METTL6: variants seen among roughly 807,000 people sequenced by gnomAD.
The protein encoded by METTL6 is methyltransferase 6, tRNA N3-cytidine.
METTL6 carries 22 observed loss-of-function variants against 26.4 expected under a neutral mutation model. The observed-to-expected ratio is 0.83, with a 90% CI of 0.59 to 1.19. The LOEUF (loss-of-function observed/expected upper bound fraction) is 1.19, where lower values mean the gene tolerates loss of function less well. METTL6 is among the 50% of genes most tolerant of loss of function. The pLI is 0.00. For missense variants in METTL6, 304 were observed against 324.8 expected (o/e 0.94, Z 0.49); for synonymous variants, 109 against 116.2 (o/e 0.94, Z 0.40).
At chr3:15,421,992 T>C (rs1246082259) in intron 3 of METTL6, among the ~76,000 whole-genome samples, 1 of 152,082 alleles carries the variant, frequency 6.6e-6, no homozygotes, top group African/African-American at 2.4e-5. Flanking sequence ...AAGGTTACTA[T>C]TTTCAAAAGT....
Position 15,425,047 on chromosome 3 carries a change from C to T in METTL6, c.268G>A (p.Val90Ile). The change falls in exon 3 of 6, where the codon GTT becomes ATT. Residue 90 changes from valine (V) to isoleucine (I), a missense_variant. Coordinates refer to ENST00000383790, the MANE Select transcript of METTL6 (RefSeq NM_152396.4). The stretch of plus-strand genomic sequence containing the variant: ...AAAAGTGGGAATAAACAGTTTCCAA[C>T]CCCACAGCCAGCTTCAAGCATTGTT... Reference protein sequence around the residue: ...KLTMLEAGCGVGNCLFPLLEE... With the variant: ...KLTMLEAGCGIGNCLFPLLEE... 1 of 1,614,180 alleles carries T rather than the reference C, an allele frequency of 6.2e-7. No individual in the cohort carries two copies. Among genetic ancestry groups the T allele is most frequent in the South Asian group, 1.1e-5 (1 of 91,084 alleles).
exon 7 of METTL6, chr3:15,383,239 A>G (rs1053432307): frequency 2.6e-5 from 4 of 152,166 alleles, no homozygotes; most frequent in African/African-American, 7.2e-5. Context: ...AAGGAAAACA[A>G]TTACTAAGTT....
Position 15,413,969 on chromosome 3 carries a change from TAAACA to T in METTL6, c.673+47_673+51del. 5 of 1,611,794 alleles carry T rather than the reference TAAACA, an allele frequency of 3.1e-6. No individual in the cohort carries two copies. In the South Asian group the frequency reaches 5.5e-5, roughly 18 times the overall value. On this transcript the variant is annotated intron_variant, in intron 5 of 5. Transcript: ENST00000383790. ...GCCTTGCAGTGATAATGCAATCAAA[TAAACA>T]GAAACAAAGAATAAAACATTTAAAG...
intron 5 of METTL6, 82 bp downstream of exon 5, chr3:15,413,939 A>G (rs760769473): frequency 6.2e-7 from 1 of 1,601,034 alleles, no homozygotes; most frequent in East Asian, 2.3e-5. Flanking sequence ...AGCCTTCTCC[A>G]AGCAGCCTTG....
chr3:15,389,966 A>G (rs75255668), intron 6 of METTL6, among the ~76,000 whole-genome samples: 4,486 of 151,750 alleles, frequency 0.03, 96 homozygotes, highest in South Asian at 0.1. Flanking sequence ...GATCCTCCCA[A>G]GGGAGGCACA....
At chr3:15,417,283 C>G (rs1222714149) in intron 3 of METTL6, among the ~76,000 whole-genome samples, 1 of 152,004 alleles carries the variant, frequency 6.6e-6, no homozygotes, top group Non-Finnish European at 1.5e-5. Context: ...GGTGAAACCC[C>G]ATCTCTACTA....
chr3:15,387,272 C>T (rs1699225318), intron 6 of METTL6, among the ~76,000 whole-genome samples: 1 of 152,234 alleles, frequency 6.6e-6, no homozygotes, highest in Non-Finnish European at 1.5e-5. Flanking sequence ...ACTACCGATT[C>T]TAACATAATG....
intron 2 of METTL6, among the ~76,000 whole-genome samples, chr3:15,425,785 G>T (rs1419756045): frequency 6.6e-6 from 1 of 152,116 alleles, no homozygotes; most frequent in Non-Finnish European, 1.5e-5. Context: ...ACCCACTAAA[G>T]TTCTCTCTCC....
rs1700065635 is a variant in METTL6, at chr3:15,413,682, T to C, written c.673+339A>G. ...ATCTCAAGGCATTATACTGTCAAAT[T>C]TGCTTTATTTTTAACTGGACAAGAA... On this transcript the variant is annotated intron_variant, in intron 5 of 5. Transcript: ENST00000383790. 9.0e-6 allele frequency: 11 copies of C among 1,222,634 alleles called. No individual in the cohort carries two copies. The Admixed American group carries it at 2.4e-4, about 27-fold the overall frequency. 75.7% of individuals were successfully genotyped at this position (1,222,634 alleles called of 1,614,324 possible). A position where few individuals can be genotyped will look rare whatever the true frequency, so the allele number is the denominator to read the frequency against.
chr3:15,404,499 T>C (rs1215500914), intron 6 of METTL6, among the ~76,000 whole-genome samples: 1 of 139,616 alleles, frequency 7.2e-6, no homozygotes, highest in Non-Finnish European at 1.5e-5. Context: ...CGCACCATCA[T>C]GCCCAGCTAA....
At chr3:15,420,033 T>G (rs1018539902) in intron 3 of METTL6, among the ~76,000 whole-genome samples, 6 of 152,038 alleles carry the variant, frequency 3.9e-5, no homozygotes, top group Admixed American at 2.6e-4. Flanking sequence ...GGCTAATTTT[T>G]GTATTTTTAG....
chr3:15,411,775 T>A (rs1017382343), intron 5 of METTL6, among the ~76,000 whole-genome samples: 1 of 151,904 alleles, frequency 6.6e-6, no homozygotes, highest in African/African-American at 2.4e-5. Context: ...AAAAAAAAAT[T>A]TTTTTTTGAG....
chr3:15,394,199 T>A lies in METTL6; in HGVS notation c.*12-10012A>T, dbSNP rs1277361341. On this transcript the variant is annotated intron_variant, in intron 6 of 6. Transcript: ENST00000443029. Reference sequence around the variant, plus strand: ...ATCCTGTTATTGGTCTATTCAGAGATTCAACTTCTTCCTGGTTTAGTCTTG... The same window carrying A: ...ATCCTGTTATTGGTCTATTCAGAGAATCAACTTCTTCCTGGTTTAGTCTTG... Among the ~76,000 whole-genome samples the A allele has an allele frequency of 4.6e-5, 7 of 152,356 alleles. 1 individual carries two copies. The South Asian group carries it at 1.4e-3, about 32-fold the overall frequency.
Position 15,411,160 on chromosome 3 carries a change from G to C in METTL6, c.*96C>G. The stretch of plus-strand genomic sequence containing the variant: ...TCCCCCAACCTCGGCCTCCCGAAGT[G>C]CTGGGATTACAGGCATGAGCCACCG... On this transcript the variant is annotated 3_prime_UTR_variant, in exon 6 of 6. Coordinates refer to ENST00000383790, the MANE Select transcript of METTL6 (RefSeq NM_152396.4). 7.3e-7 allele frequency: 1 copy of C among 1,373,428 alleles called. No homozygotes were observed. The allele number at this position is 1,373,428 out of a possible 1,614,324, so 85.1% of individuals were successfully genotyped here. A position where few individuals can be genotyped will look rare whatever the true frequency, so the allele number is the denominator to read the frequency against.
intron 6 of METTL6, among the ~76,000 whole-genome samples, chr3:15,389,124 G>C (rs1412615582): frequency 6.6e-6 from 1 of 151,702 alleles, no homozygotes; most frequent in Non-Finnish European, 1.5e-5. Flanking sequence ...CCAAAGTGCT[G>C]GGATTACACG....
chr3:15,402,599 T>C (rs955004914), intron 6 of METTL6, among the ~76,000 whole-genome samples: 1 of 151,754 alleles, frequency 6.6e-6, no homozygotes, highest in African/African-American at 2.4e-5. Context: ...GCAGGCGTGG[T>C]GGCACACACC....
chr3:15,415,742 A>T, intron 4 of METTL6, 30 bp downstream of exon 4: 1 of 1,608,900 alleles, frequency 6.2e-7, no homozygotes, highest in Non-Finnish European at 8.5e-7. Context: ...AGACTGTCCA[A>T]CCCTCAAGTG....
At chr3:15,424,698 T>C (rs1450706664) in intron 3 of METTL6, among the ~76,000 whole-genome samples, 1 of 152,226 alleles carries the variant, frequency 6.6e-6, no homozygotes, top group Admixed American at 6.5e-5. Context: ...TTTAAAATAG[T>C]TCAGCAAAGA....
At chr3:15,414,202 C>T in intron 4 of METTL6, 40 bp from the exon 5 acceptor site, 1 of 1,578,322 alleles carries the variant, frequency 6.3e-7, no homozygotes, top group Non-Finnish European at 8.6e-7. Context: ...TTTGGAGAAC[C>T]CTGTCAAAAT....
Sources: gnomAD v4.1 joint callset for allele counts (sites outside exome capture counted in the v4.1 genomes callset) on GRCh38, gnomAD v4.1.1 for gene constraint, MANE v1.5 for transcripts, NCBI Gene and HGNC (gene_info 2026-07-23, HGNC 2026-07-21) for gene names.